The following GLRA2 variants were observed in gnomAD, a reference collection of about 807,000 sequenced individuals.
GLRA2 encodes glycine receptor alpha 2, also known as glycine receptor subunit alpha-2.
GLRA2 carries 11 observed loss-of-function variants against 31.6 expected under a neutral mutation model. The observed-to-expected ratio is 0.35, with a 90% CI of 0.22 to 0.58. GLRA2 has a LOEUF of 0.58. GLRA2 is among the 20% of genes least tolerant of loss of function. The pLI is 0.84. For missense variants in GLRA2, 212 were observed against 351.8 expected (o/e 0.60, Z 3.18); for synonymous variants, 132 against 134.0 (o/e 0.99, Z 0.10).
At chrX:14,704,833 C>T (rs945137108) in intron 8 of GLRA2, among the ~76,000 whole-genome samples, 3 of 111,699 alleles carry the variant, frequency 2.7e-5, no homozygotes, top group African/African-American at 9.8e-5. Flanking sequence ...AAAAAAACTG[C>T]TTGAAACCTG....
intron 5 of GLRA2, among the ~76,000 whole-genome samples, chrX:14,606,373 A>G (rs2090334421): frequency 9.0e-6 from 1 of 111,341 alleles, no homozygotes; most frequent in Non-Finnish European, 1.9e-5. Flanking sequence ...ACTAAGAGCT[A>G]ACTTTGGATT....
At position 14,690,822 on chromosome X, in the gene GLRA2, T is replaced by G; in HGVS notation, c.1043T>G (p.Phe348Cys). Reference protein sequence around the residue: ...VNFVSRQHKEFLRLRRRQKRQ... With the variant: ...VNFVSRQHKECLRLRRRQKRQ... ...TTCGTCTCCAGGCAACACAAGGAGT[T>G]CCTGCGCCTCCGAAGAAGACAGAAG... Residue 348 changes from phenylalanine (F) to cysteine (C), a missense_variant, in exon 8 of 9, where the codon TTC (phenylalanine) becomes TGC (cysteine). Physicochemically the swap from Phe to Cys is radical, Grantham distance 205 (BLOSUM62 -2). Around this residue, in one of 5 missense-constraint regions of GLRA2, gnomAD observed 25 missense variants for 20.8 expected, o/e 1.20. Coordinates refer to ENST00000218075, the MANE Select transcript of GLRA2 (RefSeq NM_002063.4). The G allele has an allele frequency of 8.3e-7, 1 of 1,207,079 alleles. No individual in the cohort carries two copies. The highest frequency in any genetic ancestry group is 1.7e-5 in the African/African-American group (1 of 57,593).
In GLRA2 at chrX:14,564,472, CTGAA is replaced by C. The variant is rs1451473648; in HGVS notation, c.203-9860_203-9857del. The stretch of plus-strand genomic sequence containing the variant: ...GAAATGATAAAGGGAGTCCTTCAAG[CTGAA>C]ATAAAAGGATGCTAAACAGTAAGTA... On this transcript the variant is annotated intron_variant, in intron 2 of 8. Transcript: ENST00000218075. Among the ~76,000 whole-genome samples the C allele has an allele frequency of 1.8e-3, 200 of 111,588 alleles. 1 individual carries two copies. The highest frequency in any genetic ancestry group is 6.4e-3 in the African/African-American group (196 of 30,829).
At chrX:14,728,545 G>A (rs972495309) in intron 8 of GLRA2, among the ~76,000 whole-genome samples, 6 of 111,991 alleles carry the variant, frequency 5.4e-5, no homozygotes, top group African/African-American at 1.9e-4. Flanking sequence ...GGATGACATG[G>A]AATATTTGGC....
At chrX:14,681,462 C>A (rs1008320645) in intron 7 of GLRA2, among the ~76,000 whole-genome samples, 1 of 111,570 alleles carries the variant, frequency 9.0e-6, no homozygotes, top group East Asian at 2.8e-4. Context: ...ATCTATCCAT[C>A]CCACATAACT....
intron 8 of GLRA2, among the ~76,000 whole-genome samples, chrX:14,717,230 A>G (rs767649037): frequency 7.7e-4 from 85 of 110,167 alleles, no homozygotes; most frequent in African/African-American, 2.7e-3. Flanking sequence ...GCCTGGGTAC[A>G]GAGAGAAGCT....
intron 7 of GLRA2, among the ~76,000 whole-genome samples, chrX:14,680,579 A>G (rs778172431): frequency 3.6e-5 from 4 of 112,249 alleles, no homozygotes; most frequent in Non-Finnish European, 7.5e-5. Flanking sequence ...ATCTGACATC[A>G]GAGCTGGGTA....
the GLRA2 span, among the ~76,000 whole-genome samples, chrX:14,484,507 A>T: frequency 8.9e-6 from 1 of 112,283 alleles, no homozygotes; most frequent in East Asian, 2.8e-4. Flanking sequence ...GCATAATTTC[A>T]TGAATGCATA....
At chrX:14,584,275 T>C in intron 4 of GLRA2, among the ~76,000 whole-genome samples, 1 of 111,969 alleles carries the variant, frequency 8.9e-6, no homozygotes, top group Non-Finnish European at 1.9e-5. Flanking sequence ...ATATTTGGTT[T>C]TTGTCTTTTT....
intron 8 of GLRA2, among the ~76,000 whole-genome samples, chrX:14,723,229 G>T (rs999317606): frequency 1.8e-5 from 2 of 111,946 alleles, no homozygotes; most frequent in African/African-American, 6.5e-5. Context: ...TCCTCTTTTG[G>T]TGTCTTCTTT....
intron 7 of GLRA2, among the ~76,000 whole-genome samples, chrX:14,676,505 G>T (rs1357296048): frequency 8.9e-6 from 1 of 112,028 alleles, no homozygotes; most frequent in Non-Finnish European, 1.9e-5. Flanking sequence ...CTGGAGGAAT[G>T]TCGCAGTTCT....
intron 7 of GLRA2, among the ~76,000 whole-genome samples, chrX:14,641,833 G>A (rs1489651892): frequency 8.9e-6 from 1 of 112,246 alleles, no homozygotes; most frequent in Non-Finnish European, 1.9e-5. Context: ...AATGATTACT[G>A]AAGCCTGTTG....
At chrX:14,510,646 A>G in the GLRA2 span, among the ~76,000 whole-genome samples, 4 of 111,720 alleles carry the variant, frequency 3.6e-5, no homozygotes, top group South Asian at 1.5e-3. Context: ...TGGTGAAGGG[A>G]CATATTCCTG....
At chrX:14,572,717 A>AT (rs925437563) in intron 2 of GLRA2, among the ~76,000 whole-genome samples, 2 of 112,051 alleles carry the variant, frequency 1.8e-5, no homozygotes, top group African/African-American at 3.2e-5. Flanking sequence ...TTTTGGTAAT[A>AT]TGGTGGTGCC....
chrX:14,586,967 G>A (rs766126203), intron 4 of GLRA2, among the ~76,000 whole-genome samples: 92 of 111,577 alleles, frequency 8.2e-4, no homozygotes, highest in Non-Finnish European at 1.4e-3. Context: ...TGATAAGGAC[G>A]TCACAATGGA....
chrX:14,719,155 G>T (rs1316053234), intron 8 of GLRA2, among the ~76,000 whole-genome samples: 2 of 111,497 alleles, frequency 1.8e-5, no homozygotes, highest in East Asian at 5.6e-4. Flanking sequence ...GCTGTTTTTT[G>T]TTATTGGTGT....
the GLRA2 span, among the ~76,000 whole-genome samples, chrX:14,471,139 C>T: frequency 3.6e-5 from 4 of 111,567 alleles, no homozygotes; most frequent in Non-Finnish European, 7.5e-5. Flanking sequence ...ATAATTGATG[C>T]CAAGTATGTG....
chrX:14,543,408 T>C (rs1466903168), intron 2 of GLRA2, among the ~76,000 whole-genome samples: 1 of 110,969 alleles, frequency 9.0e-6, no homozygotes, highest in African/African-American at 3.3e-5. Context: ...TCCTAGATAA[T>C]GTTTCCTTTC....
the GLRA2 span, among the ~76,000 whole-genome samples, chrX:14,460,594 T>A: frequency 1.6e-4 from 18 of 112,033 alleles, no homozygotes; most frequent in Non-Finnish European, 3.0e-4. Context: ...TGGGAGGGTG[T>A]ATGTGCCCAG....
Sources: gnomAD v4.1 joint callset for allele counts (sites outside exome capture counted in the v4.1 genomes callset) on GRCh38, gnomAD v4.1.1 for gene constraint, gnomAD v4.1.1 regional missense constraint, MANE v1.5 for transcripts, NCBI Gene and HGNC (gene_info 2026-07-23, HGNC 2026-07-21) for gene names.